Variants in DNAH14 observed in about 807,000 individuals in gnomAD.
The protein encoded by DNAH14 is axonemal beta dynein heavy chain 14.
DNAH14 carries 478 observed loss-of-function variants against 520.9 expected under a neutral mutation model. The ratio of observed to expected loss-of-function variants is 0.92; its 90% CI spans 0.85 to 0.99. The LOEUF (loss-of-function observed/expected upper bound fraction) is 0.99. Ranked by LOEUF, DNAH14 falls within the 50% of genes least tolerant of loss-of-function variation. The pLI is 0.00. For synonymous variants in DNAH14, 1,581 were observed against 1,757.2 expected (o/e 0.90, Z 2.51); for missense variants, 4,831 against 5,234.5 (o/e 0.92, Z 2.38).
At position 225,307,555 on chromosome 1, in the gene DNAH14, G is replaced by T; in HGVS notation, c.9100G>T (p.Glu3034Ter). The T allele has an allele frequency of 6.5e-7, 1 of 1,536,536 alleles. No individual in the cohort carries two copies. Among genetic ancestry groups the T allele is most frequent in the South Asian group, 1.2e-5 (1 of 81,834 alleles). The stretch of plus-strand genomic sequence containing the variant: ...GCTCTTGATTCTTGGCCCTCAAGTA[G>T]AACAAAAAACAAAGGTATGTTTGCT... ...EELLILGPQV[E>*]QKTKETETLM... Residue 3034 changes from glutamate (E) to a stop codon, truncating the protein, a stop_gained, in exon 59 of 86, where the codon GAA (glutamate) becomes TAA (stop). Transcript: ENST00000682510. LOFTEE classifies it high-confidence loss of function.
chr1:225,233,301 A>G (rs888814183), intron 42 of DNAH14, among the ~76,000 whole-genome samples: 3 of 152,150 alleles, frequency 2.0e-5, no homozygotes, highest in Non-Finnish European at 4.4e-5. Flanking sequence ...AGAATGATTT[A>G]TATTCTTCTG....
Position 225,399,092 on chromosome 1 carries a change from T to C in DNAH14, c.13677T>C (p.Asp4559=), listed in dbSNP as rs1222063741. ...CACCAAATGCTTCCAACCAGACAGA[T>C]TCAGAACTCTATGCTTTTGAATGCC... ...TKTPNASNQT[D]SELYAFECPV... Residue 4559 remains aspartate (D), a synonymous_variant, in exon 86 of 86, where the codon GAT becomes GAC. Transcript: ENST00000682510. 1 of 1,551,792 alleles carries C rather than the reference T, an allele frequency of 6.4e-7. No individual in the cohort carries two copies. Among genetic ancestry groups the C allele is most frequent in the Non-Finnish European group, 8.7e-7 (1 of 1,147,028 alleles).
At chr1:225,238,749 C>G (rs916944835) in intron 42 of DNAH14, among the ~76,000 whole-genome samples, 5 of 151,968 alleles carry the variant, frequency 3.3e-5, no homozygotes, top group African/African-American at 1.2e-4. Flanking sequence ...GAGACAGCAG[C>G]CAGCCCCACC....
At chr1:225,326,590 T>C (rs1474739278) in intron 64 of DNAH14, among the ~76,000 whole-genome samples, 6 of 152,086 alleles carry the variant, frequency 3.9e-5, no homozygotes, top group African/African-American at 1.4e-4. Flanking sequence ...TATATACCAC[T>C]GAATATCAGC....
chr1:224,967,371 T>G, intron 5 of DNAH14, 60 bp from the exon 6 acceptor site: 2 of 1,246,598 alleles, frequency 1.6e-6, no homozygotes, highest in Non-Finnish European at 2.2e-6. Context: ...CCCATTGTAT[T>G]AATTTAGTTA....
At chr1:225,379,889 A>G (rs1329333128) in intron 79 of DNAH14, among the ~76,000 whole-genome samples, 2 of 152,204 alleles carry the variant, frequency 1.3e-5, no homozygotes, top group African/African-American at 2.4e-5. Flanking sequence ...TAATGTTTCA[A>G]TACATACAAT....
chr1:225,194,614 A>G (rs757200135), intron 38 of DNAH14, among the ~76,000 whole-genome samples: 45 of 152,200 alleles, frequency 3.0e-4, no homozygotes, highest in Non-Finnish European at 6.5e-4. Context: ...GTGCCTGGGC[A>G]AAGATTTCAT....
chr1:225,281,839 A>G (rs1377378482), intron 54 of DNAH14, among the ~76,000 whole-genome samples: 1 of 152,214 alleles, frequency 6.6e-6, no homozygotes, highest in East Asian at 1.9e-4. Flanking sequence ...GTGATAAGAT[A>G]CATAATGTAA....
chr1:225,265,840 C>T (rs1334908589), intron 48 of DNAH14, among the ~76,000 whole-genome samples: 1 of 151,696 alleles, frequency 6.6e-6, no homozygotes, highest in African/African-American at 2.4e-5. Context: ...ACTGAGGAAC[C>T]TAATCATACC....
At chr1:225,263,257 T>C (rs969631768) in intron 46 of DNAH14, among the ~76,000 whole-genome samples, 5 of 151,376 alleles carry the variant, frequency 3.3e-5, no homozygotes, top group Admixed American at 1.3e-4. Context: ...TATATACATG[T>C]ATATATATAA....
intron 72 of DNAH14, among the ~76,000 whole-genome samples, chr1:225,352,368 C>T (rs1182033926): frequency 1.3e-5 from 2 of 152,090 alleles, no homozygotes; most frequent in Non-Finnish European, 2.9e-5. Flanking sequence ...AATTTGTTTC[C>T]TTCCACATTT....
intron 35 of DNAH14, among the ~76,000 whole-genome samples, chr1:225,163,821 T>G (rs2081773762): frequency 6.6e-6 from 1 of 152,190 alleles, no homozygotes; most frequent in East Asian, 1.9e-4. Flanking sequence ...TCTTCTTTTT[T>G]TGATGTGTCT....
At chr1:225,338,225 TAAGA>T in intron 68 of DNAH14, 43 bp downstream of exon 68, 1 of 1,548,368 alleles carries the variant, frequency 6.5e-7, no homozygotes, top group East Asian at 2.4e-5. Context: ...CTATGCTTTT[TAAGA>T]TAAATAATAT....
At chr1:225,380,079 T>C in intron 79 of DNAH14, 80 bp from the exon 80 acceptor site, 1 of 1,423,010 alleles carries the variant, frequency 7.0e-7, no homozygotes, top group South Asian at 1.4e-5. Flanking sequence ...CTACCAGTAA[T>C]CTTGAATCCT....
rs1275060765 is a variant in DNAH14, at chr1:225,079,208, T to C, written c.2426T>C (p.Val809Ala). Residue 809 changes from valine (V) to alanine (A), a missense_variant and splice_region_variant, in exon 18 of 86, where the codon GTT (valine) becomes GCT (alanine). By Grantham distance (64) the Val-to-Ala change is moderately conservative. Coordinates refer to ENST00000682510, the MANE Select transcript of DNAH14 (RefSeq NM_001367479.1). ...IEKKNKNLLE[V>A]VESSLQQLEC... The stretch of plus-strand genomic sequence containing the variant: ...TTATAATTGACATGTTGATTTCAGG[T>C]TGTGGAATCATCATTGCAGCAGCTG... 2.0e-6 allele frequency: 3 copies of C among 1,538,090 alleles called. No homozygotes were observed. The highest frequency in any genetic ancestry group is 2.6e-6 in the Non-Finnish European group (3 of 1,143,706).
chr1:225,341,637 G>T, intron 69 of DNAH14, among the ~76,000 whole-genome samples: 1 of 152,178 alleles, frequency 6.6e-6, no homozygotes, highest in Non-Finnish European at 1.5e-5. Flanking sequence ...TTGCACTCCA[G>T]CTTGGGTTAG....
chr1:225,174,235 C>T (rs1411605674), intron 36 of DNAH14, among the ~76,000 whole-genome samples: 1 of 151,984 alleles, frequency 6.6e-6, no homozygotes, highest in Non-Finnish European at 1.5e-5. Context: ...ACATTGTGCA[C>T]ATGTACCCTA....
chr1:225,091,142 G>A (rs944649527), intron 21 of DNAH14, among the ~76,000 whole-genome samples: 4 of 152,088 alleles, frequency 2.6e-5, no homozygotes, highest in African/African-American at 7.2e-5. Context: ...GAGAGGGAGA[G>A]AAAGAAAACA....
chr1:225,163,393 T>A (rs2081726255), intron 35 of DNAH14, among the ~76,000 whole-genome samples: 1 of 152,210 alleles, frequency 6.6e-6, no homozygotes, highest in South Asian at 2.1e-4. Flanking sequence ...TCCAGTGCTA[T>A]GTTGAATAAC....
Sources: gnomAD v4.1 joint callset for allele counts (sites outside exome capture counted in the v4.1 genomes callset) on GRCh38, gnomAD v4.1.1 for gene constraint, MANE v1.5 for transcripts, NCBI Gene and HGNC (gene_info 2026-07-23, HGNC 2026-07-21) for gene names.